NPAS3: variants seen among roughly 807,000 people sequenced by gnomAD.
The protein encoded by NPAS3 is neuronal PAS domain-containing protein 3.
In NPAS3, 14 loss-of-function variants were observed where a neutral mutation model predicts 73.1. That is an observed-to-expected ratio of 0.19 (90% CI 0.13 to 0.30). The LOEUF (loss-of-function observed/expected upper bound fraction) is 0.30, where lower values mean the gene tolerates loss of function less well. NPAS3 is among the 10% of genes least tolerant of loss of function. The pLI, the probability that NPAS3 is intolerant of heterozygous loss-of-function variation, is 1.00. For synonymous variants in NPAS3, 620 were observed against 541.5 expected (o/e 1.14, Z -2.01); for missense variants, 1,096 against 1,250.0 (o/e 0.88, Z 1.86).
At chr14:33,505,201 G>A (rs988595970) in intron 4 of NPAS3, among the ~76,000 whole-genome samples, 3 of 151,932 alleles carry the variant, frequency 2.0e-5, no homozygotes, top group African/African-American at 4.8e-5. Flanking sequence ...TGACTATAGA[G>A]ATTTAATATT....
intron 3 of NPAS3, among the ~76,000 whole-genome samples, chr14:33,297,702 A>G (rs1011188497): frequency 1.3e-5 from 2 of 152,192 alleles, no homozygotes; most frequent in African/African-American, 2.4e-5. Context: ...TTGCATGTAA[A>G]AAGAATCCTT....
intron 4 of NPAS3, among the ~76,000 whole-genome samples, chr14:33,383,656 A>T (rs767310055): frequency 3.9e-5 from 6 of 152,232 alleles, no homozygotes; most frequent in Non-Finnish European, 8.8e-5. Context: ...AACTGTGCCC[A>T]AGTCAAACCC....
intron 2 of NPAS3, among the ~76,000 whole-genome samples, chr14:33,118,360 A>G (rs567872572): frequency 3.3e-5 from 5 of 152,276 alleles, no homozygotes; most frequent in African/African-American, 1.2e-4. Flanking sequence ...TAATGACACT[A>G]TAACAAAAGT....
intron 4 of NPAS3, among the ~76,000 whole-genome samples, chr14:33,370,953 C>T (rs946059836): frequency 6.6e-6 from 1 of 152,094 alleles, no homozygotes; most frequent in Non-Finnish European, 1.5e-5. Flanking sequence ...TTCTGCAGAG[C>T]AATTCTCAGG....
At position 33,680,143 on chromosome 14, in the gene NPAS3, T is replaced by G. The variant is rs562345936; in HGVS notation, c.733+3758T>G. Among the ~76,000 whole-genome samples the G allele has an allele frequency of 2.0e-5, 3 of 152,310 alleles. No homozygotes were observed. The East Asian group carries it at 5.8e-4, about 29-fold the overall frequency. On this transcript the variant is annotated intron_variant, in intron 6 of 11. Transcript: ENST00000356141. Reference sequence around the variant, plus strand: ...CAGATCTACTTGTGCCTTTTCATTATTACTCTTAATGATTCTGCCATCTTG... The same window carrying G: ...CAGATCTACTTGTGCCTTTTCATTAGTACTCTTAATGATTCTGCCATCTTG...
intron 2 of NPAS3, among the ~76,000 whole-genome samples, chr14:33,105,769 C>A (rs2042706040): frequency 6.6e-6 from 1 of 151,856 alleles, no homozygotes; most frequent in South Asian, 2.1e-4. Flanking sequence ...AAAAAAAGAT[C>A]AAAACTATGC....
At chr14:33,606,437 T>C (rs1391976353) in intron 5 of NPAS3, among the ~76,000 whole-genome samples, 2 of 151,758 alleles carry the variant, frequency 1.3e-5, no homozygotes, top group Admixed American at 6.6e-5. Context: ...TATTCCATGG[T>C]GTATATGAGG....
intron 4 of NPAS3, among the ~76,000 whole-genome samples, chr14:33,471,034 G>C (rs1405373242): frequency 6.6e-6 from 1 of 151,824 alleles, no homozygotes; most frequent in Non-Finnish European, 1.5e-5. Flanking sequence ...TGATAGAATT[G>C]CACGTAGCCA....
At chr14:33,572,487 T>G (rs937888417) in intron 5 of NPAS3, among the ~76,000 whole-genome samples, 1 of 152,102 alleles carries the variant, frequency 6.6e-6, no homozygotes, top group African/African-American at 2.4e-5. Flanking sequence ...ACAATGACAG[T>G]CTCCATTTTC....
chr14:32,952,950 A>G (rs1275114975), intron 1 of NPAS3, among the ~76,000 whole-genome samples: 1 of 151,886 alleles, frequency 6.6e-6, no homozygotes, highest in African/African-American at 2.4e-5. Flanking sequence ...GCACACCTGT[A>G]ATCCCAGCTA....
chr14:33,753,102 G>C (rs181833830), intron 7 of NPAS3, among the ~76,000 whole-genome samples: 10 of 152,270 alleles, frequency 6.6e-5, no homozygotes, highest in Admixed American at 6.5e-4. Context: ...GCTTCGAGAA[G>C]TGTTAAAACA....
At chr14:33,315,899 T>C (rs984374813) in intron 3 of NPAS3, among the ~76,000 whole-genome samples, 1 of 152,090 alleles carries the variant, frequency 6.6e-6, no homozygotes, top group Non-Finnish European at 1.5e-5. Flanking sequence ...TTCCCAACTA[T>C]GACACAAGAG....
intron 3 of NPAS3, among the ~76,000 whole-genome samples, chr14:33,363,065 A>T (rs530350875): frequency 6.6e-6 from 1 of 152,162 alleles, no homozygotes; most frequent in Admixed American, 6.5e-5. Context: ...CCCTTTCATT[A>T]TGTGTGTCCA....
chr14:33,221,286 A>G (rs967571072), intron 3 of NPAS3, among the ~76,000 whole-genome samples: 3 of 152,182 alleles, frequency 2.0e-5, no homozygotes, highest in African/African-American at 7.2e-5. Flanking sequence ...GTCAGAGCAG[A>G]TCACGTGGCA....
intron 2 of NPAS3, among the ~76,000 whole-genome samples, chr14:33,087,924 C>A (rs1356730787): frequency 3.9e-5 from 6 of 152,116 alleles, no homozygotes; most frequent in African/African-American, 1.2e-4. Flanking sequence ...AGTACCTCAC[C>A]CATCTGGAGA....
At chr14:33,266,793 G>A (rs1255356003) in intron 3 of NPAS3, among the ~76,000 whole-genome samples, 4 of 152,158 alleles carry the variant, frequency 2.6e-5, no homozygotes, top group South Asian at 4.1e-4. Context: ...ATGGAATCTT[G>A]TATGGCTAGT....
At chr14:33,772,917 T>C (rs1401802562) in intron 7 of NPAS3, among the ~76,000 whole-genome samples, 2 of 152,118 alleles carry the variant, frequency 1.3e-5, no homozygotes, top group Non-Finnish European at 2.9e-5. Context: ...ATAATCCTCC[T>C]TATTGGTGCT....
At chr14:33,363,928 G>GTGTGTGTGTGTGTGTGTGTGTGTGTGTGT (rs1447788603) in intron 3 of NPAS3, among the ~76,000 whole-genome samples, 4 of 151,380 alleles carry the variant, frequency 2.6e-5, no homozygotes, top group Non-Finnish European at 5.9e-5. Context: ...CCCTCTGTGT[G>GTGTGTGTGTGTGTGTGTGTGTGTGTGTGT]TGTGTGTGTG....
rs148572555 is a variant in NPAS3, at chr14:33,654,290, A to G, written c.559-21921A>G. 4.3e-4 allele frequency among the ~76,000 whole-genome samples: 65 copies of G among 152,300 alleles called. No homozygotes were observed. In the East Asian group the frequency reaches 0.011, roughly 25 times the overall value. ...CTAATTCTTTTTCACAGCTATATCA[A>G]TAAAAGAAGTGAAATGGCTGCCCAC... On this transcript the variant is annotated intron_variant, in intron 5 of 11. Transcript: ENST00000356141.
Sources: allele counts gnomAD v4.1 joint callset (sites outside exome capture counted in the v4.1 genomes callset), GRCh38; gene constraint gnomAD v4.1.1; transcripts MANE v1.5; gene names NCBI Gene and HGNC (gene_info 2026-07-23, HGNC 2026-07-21).